NKAIN3: variants seen among roughly 807,000 people sequenced by gnomAD.
NKAIN3 encodes the protein sodium/potassium-transporting ATPase subunit beta-1-interacting protein 3.
In NKAIN3, 25 loss-of-function variants were observed where a neutral mutation model predicts 30.2. That is an observed-to-expected ratio of 0.83 (90% CI 0.60 to 1.16). The LOEUF is 1.16. NKAIN3 is among the 50% of genes most tolerant of loss of function. The pLI is 0.00. For synonymous variants in NKAIN3, 91 were observed against 89.6 expected (o/e 1.02, Z -0.09); for missense variants, 225 against 254.1 (o/e 0.89, Z 0.78).
chr8:62,895,538 T>C (rs1407697198), intron 4 of NKAIN3, among the ~76,000 whole-genome samples: 1 of 152,184 alleles, frequency 6.6e-6, no homozygotes, highest in Non-Finnish European at 1.5e-5. Flanking sequence ...AGTATGCACA[T>C]TTAGCCCTTC....
In NKAIN3 at chr8:62,590,186, G is replaced by A. The variant is rs193181309; in HGVS notation, c.273+392G>A. 1.4e-4 allele frequency among the ~76,000 whole-genome samples: 22 copies of A among 151,834 alleles called. 1 individual carries two copies. The highest frequency in any genetic ancestry group is 3.4e-3 in the Middle Eastern group (1 of 294). ...AAAAGGGATTGATGAAGATGTTAAC[G>A]TAACAGACATGAATGGCAAGTTTCT... On this transcript the variant is annotated intron_variant, in intron 3 of 6. Coordinates refer to ENST00000623646, the MANE Select transcript of NKAIN3 (RefSeq NM_001304533.3).
intron 1 of NKAIN3, among the ~76,000 whole-genome samples, chr8:62,496,334 T>C (rs1000752511): frequency 1.3e-4 from 20 of 152,112 alleles, no homozygotes; most frequent in African/African-American, 4.8e-4. Context: ...GGGGAAAAGT[T>C]GCATGCTTTT....
chr8:62,456,666 G>A (rs1805830241), intron 1 of NKAIN3, among the ~76,000 whole-genome samples: 1 of 152,186 alleles, frequency 6.6e-6, no homozygotes, highest in Non-Finnish European at 1.5e-5. Context: ...TTCACCTGGA[G>A]CAGCAAGATG....
chr8:62,450,320 A>T (rs1805603647), intron 1 of NKAIN3, among the ~76,000 whole-genome samples: 1 of 152,164 alleles, frequency 6.6e-6, no homozygotes, highest in South Asian at 2.1e-4. Flanking sequence ...GAAAGGTAGG[A>T]GACATTCAAA....
intron 4 of NKAIN3, among the ~76,000 whole-genome samples, chr8:62,769,891 G>A (rs1816961630): frequency 6.6e-6 from 1 of 152,136 alleles, no homozygotes; most frequent in African/African-American, 2.4e-5. Context: ...TGTAGACACT[G>A]TGGGCCCCAA....
chr8:62,323,379 C>A (rs144078853), intron 1 of NKAIN3, among the ~76,000 whole-genome samples: 3 of 151,970 alleles, frequency 2.0e-5, no homozygotes, highest in Non-Finnish European at 4.4e-5. Context: ...TGTGTGTAGT[C>A]AAAAATATTG....
At chr8:62,281,909 AT>A (rs911735843) in intron 1 of NKAIN3, among the ~76,000 whole-genome samples, 2 of 151,476 alleles carry the variant, frequency 1.3e-5, no homozygotes, top group African/African-American at 2.4e-5. Flanking sequence ...GACAAAAACA[AT>A]TTTTTTTTAA....
At chr8:62,792,844 T>C (rs949326100) in intron 4 of NKAIN3, among the ~76,000 whole-genome samples, 4 of 152,066 alleles carry the variant, frequency 2.6e-5, no homozygotes, top group African/African-American at 7.2e-5. Context: ...ACATAGTACA[T>C]TCAGGTGAGT....
At chr8:62,622,508 G>A (rs1401212512) in intron 3 of NKAIN3, among the ~76,000 whole-genome samples, 1 of 151,842 alleles carries the variant, frequency 6.6e-6, no homozygotes, top group Non-Finnish European at 1.5e-5. Context: ...TTTCATTGTG[G>A]CTTTAATTCG....
chr8:62,362,687 G>T (rs557251029), intron 1 of NKAIN3, among the ~76,000 whole-genome samples: 138 of 151,964 alleles, frequency 9.1e-4, no homozygotes, highest in Non-Finnish European at 1.6e-3. Context: ...AACTTCAGCC[G>T]AATTAAATTC....
chr8:62,549,495 A>G (rs1809122426), intron 1 of NKAIN3, among the ~76,000 whole-genome samples: 1 of 152,092 alleles, frequency 6.6e-6, no homozygotes, highest in South Asian at 2.1e-4. Flanking sequence ...TTCCCATAAA[A>G]CCAGCTAGTG....
In NKAIN3 at chr8:62,337,900, C is replaced by T. The variant is rs181544010; in HGVS notation, c.54+88773C>T. Among the ~76,000 whole-genome samples, 37 of 152,096 alleles carry T rather than the reference C, an allele frequency of 2.4e-4. No homozygotes were observed. In the East Asian group the frequency reaches 5.8e-3, roughly 24 times the overall value. ...TCAAGAAGATGCGGAGGTCAACAAG[C>T]CTTGTGAGTCGCTGTTGCACAATAA... On this transcript the variant is annotated intron_variant, in intron 1 of 6. Coordinates refer to ENST00000623646, the MANE Select transcript of NKAIN3 (RefSeq NM_001304533.3).
intron 1 of NKAIN3, among the ~76,000 whole-genome samples, chr8:62,530,993 C>T (rs990569503): frequency 6.6e-6 from 1 of 152,108 alleles, no homozygotes; most frequent in African/African-American, 2.4e-5. Flanking sequence ...TATGAGTAGT[C>T]TGTTCACATT....
intron 1 of NKAIN3, among the ~76,000 whole-genome samples, chr8:62,562,922 C>T (rs79654766): frequency 2.6e-5 from 4 of 152,108 alleles, no homozygotes; most frequent in Non-Finnish European, 4.4e-5. Context: ...ACTTTTGGCC[C>T]GTAACCCTGT....
chr8:62,932,866 G>A (rs892703603), intron 5 of NKAIN3, among the ~76,000 whole-genome samples: 1 of 151,974 alleles, frequency 6.6e-6, no homozygotes, highest in Non-Finnish European at 1.5e-5. Flanking sequence ...GCTTCCCAAA[G>A]CACTGGGATT....
At chr8:62,892,118 T>C (rs1421857873) in intron 4 of NKAIN3, among the ~76,000 whole-genome samples, 1 of 152,226 alleles carries the variant, frequency 6.6e-6, no homozygotes, top group East Asian at 1.9e-4. Context: ...GGATTAGATA[T>C]ACTTAATAGT....
At chr8:62,412,691 TTG>T (rs1454495322) in intron 1 of NKAIN3, among the ~76,000 whole-genome samples, 1 of 150,054 alleles carries the variant, frequency 6.7e-6, no homozygotes, top group African/African-American at 2.4e-5. Context: ...GGTCAGGAGT[TTG>T]AGACCAGCCT....
chr8:62,404,821 G>A (rs1804010881), intron 1 of NKAIN3, among the ~76,000 whole-genome samples: 1 of 151,646 alleles, frequency 6.6e-6, no homozygotes, highest in Non-Finnish European at 1.5e-5. Context: ...TCCTCAATCA[G>A]TAGTTTCTTC....
At chr8:62,602,569 C>T (rs996496183) in intron 3 of NKAIN3, among the ~76,000 whole-genome samples, 1 of 152,054 alleles carries the variant, frequency 6.6e-6, no homozygotes, top group Non-Finnish European at 1.5e-5. Flanking sequence ...TCATAAAAAG[C>T]TTGTTTCATG....
Sources: allele counts gnomAD v4.1 joint callset (sites outside exome capture counted in the v4.1 genomes callset), GRCh38; gene constraint gnomAD v4.1.1; transcripts MANE v1.5; gene names NCBI Gene and HGNC (gene_info 2026-07-23, HGNC 2026-07-21).